Variants in SPAG16 observed in about 807,000 individuals in gnomAD.
The protein encoded by SPAG16 is sperm associated antigen 16.
In SPAG16, 86 loss-of-function variants were observed where a neutral mutation model predicts 80.4. That is an observed-to-expected ratio of 1.07 (90% CI 0.90 to 1.28). SPAG16 has a LOEUF of 1.28. Ranked by LOEUF, SPAG16 falls within the 50% of genes most tolerant of loss-of-function variation. The pLI is 0.00. For synonymous variants in SPAG16, 294 were observed against 265.9 expected, an observed-to-expected ratio of 1.11 and a Z score of -1.03; for missense variants, 870 against 765.3, an observed-to-expected ratio of 1.14 and a Z score of -1.61.
chr2:214,011,761 A>T (rs1215210633), intron 12 of SPAG16, among the ~76,000 whole-genome samples: 1 of 152,150 alleles, frequency 6.6e-6, no homozygotes, highest in Non-Finnish European at 1.5e-5. Context: ...TGCTCCAAAT[A>T]CTTATTACTG....
chr2:213,977,315 T>C (rs190870690), intron 12 of SPAG16, among the ~76,000 whole-genome samples: 8 of 152,114 alleles, frequency 5.3e-5, no homozygotes, highest in Admixed American at 1.3e-4. Flanking sequence ...GTTATCTAGG[T>C]CCAGGCATGG....
chr2:213,884,205 G>A (rs990566252), intron 11 of SPAG16, among the ~76,000 whole-genome samples: 1 of 152,066 alleles, frequency 6.6e-6, no homozygotes, highest in Admixed American at 6.5e-5. Context: ...TGATGTAGTT[G>A]AAATGAATCC....
intron 10 of SPAG16, among the ~76,000 whole-genome samples, chr2:213,690,173 CT>C (rs1276121420): frequency 1.3e-5 from 2 of 152,082 alleles, no homozygotes; most frequent in African/African-American, 2.4e-5. Flanking sequence ...AGATATTTGC[CT>C]CGTTAACAAA....
chr2:214,123,322 G>A (rs1182830922), intron 14 of SPAG16, among the ~76,000 whole-genome samples: 1 of 151,690 alleles, frequency 6.6e-6, no homozygotes, highest in Non-Finnish European at 1.5e-5. Flanking sequence ...TCATACATTT[G>A]TCATTTTGTT....
At chr2:213,685,331 A>T (rs1024939206) in intron 10 of SPAG16, among the ~76,000 whole-genome samples, 3 of 152,238 alleles carry the variant, frequency 2.0e-5, no homozygotes. Flanking sequence ...GGGCATGGAC[A>T]TGCAGAGGAA....
intron 10 of SPAG16, among the ~76,000 whole-genome samples, chr2:213,566,462 T>C (rs916797967): frequency 6.6e-6 from 1 of 152,072 alleles, no homozygotes; most frequent in Non-Finnish European, 1.5e-5. Flanking sequence ...AAGAAAAAAA[T>C]ACAATTTGAG....
intron 10 of SPAG16, among the ~76,000 whole-genome samples, chr2:213,745,899 T>A (rs2067798902): frequency 6.6e-6 from 1 of 152,262 alleles, no homozygotes; most frequent in Admixed American, 6.5e-5. Flanking sequence ...CAGATTTTTC[T>A]ATTGTTCATG....
chr2:213,353,670 T>C (rs775492649), intron 7 of SPAG16, among the ~76,000 whole-genome samples: 2 of 152,190 alleles, frequency 1.3e-5, no homozygotes, highest in African/African-American at 2.4e-5. Flanking sequence ...GACCTGTTGT[T>C]ACCTCGTCCC....
chr2:214,303,917 G>T (rs1576728122), intron 15 of SPAG16, among the ~76,000 whole-genome samples: 1 of 152,080 alleles, frequency 6.6e-6, no homozygotes, highest in Admixed American at 6.5e-5. Context: ...AGGTAAACTT[G>T]TATCATGGTG....
At chr2:213,867,800 T>C (rs2075754296) in intron 11 of SPAG16, among the ~76,000 whole-genome samples, 2 of 151,404 alleles carry the variant, frequency 1.3e-5, no homozygotes, top group African/African-American at 4.8e-5. Context: ...GGCGGGCACC[T>C]GTAGTCCCAG....
intron 15 of SPAG16, among the ~76,000 whole-genome samples, chr2:214,371,931 T>C (rs1346359424): frequency 6.6e-6 from 1 of 152,070 alleles, no homozygotes; most frequent in African/African-American, 2.4e-5. Flanking sequence ...TCTGCCTGCC[T>C]CAGCCTTTCA....
At chr2:214,389,413 T>C (rs1574484573) in intron 15 of SPAG16, among the ~76,000 whole-genome samples, 2 of 152,310 alleles carry the variant, frequency 1.3e-5, no homozygotes, top group South Asian at 2.1e-4. Context: ...AATACAGGGC[T>C]AATGATTGCA....
chr2:214,272,537 C>A (rs1044788533), intron 15 of SPAG16, among the ~76,000 whole-genome samples: 1 of 152,034 alleles, frequency 6.6e-6, no homozygotes, highest in African/African-American at 2.4e-5. Flanking sequence ...TGAGAACATG[C>A]GGCGTTTGGT....
chr2:214,206,823 A>T (rs2058157311), intron 15 of SPAG16, among the ~76,000 whole-genome samples: 1 of 152,154 alleles, frequency 6.6e-6, no homozygotes, highest in South Asian at 2.1e-4. Context: ...CTATTATAAT[A>T]TCACCCAACT....
rs142057754 is a variant in SPAG16 at position 214,147,527 on chromosome 2, G to A, written c.1594-1613G>A. On this transcript the variant is annotated intron_variant, in intron 14 of 15. Transcript: ENST00000331683. Reference sequence around the variant, plus strand: ...CAAAATTGAAAAAAATTTCCATTCTGTGACTTCTCTCAGATCATTGAAAGC... The same window carrying A: ...CAAAATTGAAAAAAATTTCCATTCTATGACTTCTCTCAGATCATTGAAAGC... Among the ~76,000 whole-genome samples, 265 of 152,174 alleles carry A rather than the reference G, an allele frequency of 1.7e-3. 2 individuals are homozygous for A. Among genetic ancestry groups the A allele is most frequent in the Middle Eastern group, 0.01 (3 of 292 alleles).
At chr2:214,212,088 A>G (rs541331059) in intron 15 of SPAG16, among the ~76,000 whole-genome samples, 1 of 152,216 alleles carries the variant, frequency 6.6e-6, no homozygotes, top group Admixed American at 6.5e-5. Context: ...TTAGCTTAAA[A>G]TTCTCCAGTG....
intron 15 of SPAG16, among the ~76,000 whole-genome samples, chr2:214,230,331 A>G (rs753626916): frequency 6.6e-5 from 10 of 151,956 alleles, no homozygotes; most frequent in Non-Finnish European, 1.3e-4. Flanking sequence ...GTCCACAAAA[A>G]TGCTCATTTC....
chr2:213,507,059 G>A (rs2074996722), intron 10 of SPAG16, among the ~76,000 whole-genome samples: 1 of 152,154 alleles, frequency 6.6e-6, no homozygotes, highest in Non-Finnish European at 1.5e-5. Flanking sequence ...ATCAAATTAA[G>A]TGCTACCCCA....
In SPAG16 at chr2:214,272,685, G is replaced by A. The variant is rs150072513; in HGVS notation, c.1720+123419G>A. Among the ~76,000 whole-genome samples, 1,025 of 152,238 alleles carry A rather than the reference G, an allele frequency of 6.7e-3. 8 individuals are homozygous for A. The highest frequency in any genetic ancestry group is 0.024 in the African/African-American group (979 of 41,532). On this transcript the variant is annotated intron_variant, in intron 15 of 15. Coordinates refer to ENST00000331683, the MANE Select transcript of SPAG16 (RefSeq NM_024532.5). ...ATGTGCCACATTTTCTTAATCCAGT[G>A]TATCACTGATGGATAGTTGGGTTGG...
Sources: allele counts gnomAD v4.1 joint callset (sites outside exome capture counted in the v4.1 genomes callset), GRCh38; gene constraint gnomAD v4.1.1; transcripts MANE v1.5; gene names NCBI Gene and HGNC (gene_info 2026-07-23, HGNC 2026-07-21).